Variants in TBC1D26 observed in about 807,000 individuals in gnomAD.
The protein encoded by TBC1D26 is TBC1 domain family, member 26.
In TBC1D26, 19 loss-of-function variants were observed where a neutral mutation model predicts 42.5. The observed-to-expected ratio is 0.45, with a 90% CI of 0.31 to 0.66. The LOEUF (loss-of-function observed/expected upper bound fraction) is 0.66. Ranked by LOEUF, TBC1D26 falls within the 30% of genes least tolerant of loss-of-function variation. The pLI is 0.06. For missense variants in TBC1D26, 228 were observed against 332.6 expected, an observed-to-expected ratio of 0.69 and a Z score of 2.45; for synonymous variants, 97 against 123.5, an observed-to-expected ratio of 0.79 and a Z score of 1.42.
At chr17:15,737,248 G>GGGCCAGGCCCAA (rs1567723555) in intron 4 of TBC1D26, among the ~76,000 whole-genome samples, 7 of 152,214 alleles carry the variant, frequency 4.6e-5, no homozygotes, top group Non-Finnish European at 7.3e-5. Flanking sequence ...GGCACCCCAC[G>GGGCCAGGCCCAA]GGCTTCAAGT....
intron 9 of TBC1D26, 147 bp from the exon 10 acceptor site, chr17:15,740,975 G>A (rs1967759757): frequency 2.0e-6 from 2 of 1,023,082 alleles, no homozygotes; most frequent in African/African-American, 1.6e-5. Flanking sequence ...AGTGCCAGGG[G>A]AGGGGTGCAG....
At chr17:15,738,699 T>C (rs1967690842) in intron 7 of TBC1D26, 22 bp from the exon 8 acceptor site, 1 of 1,613,824 alleles carries the variant, frequency 6.2e-7, no homozygotes. Context: ...GGCTGCTTCC[T>C]CCTCTTGGCC....
rs369685148 is a variant in TBC1D26 at position 15,741,201 on chromosome 17, C to T, written c.626C>T (p.Ala209Val). Reference sequence around the variant, plus strand: ...CTGCCAGAGGAAGATGCTTTCTGGGCGCTTACCCAGTTGCTCGCTGGTGAG... The same window carrying T: ...CTGCCAGAGGAAGATGCTTTCTGGGTGCTTACCCAGTTGCTCGCTGGTGAG... ...LCLPEEDAFWALTQLLAVFYS... is the reference protein window; with the variant it reads ...LCLPEEDAFWVLTQLLAVFYS... Residue 209 changes from alanine to valine, a missense_variant, in exon 10 of 15, where the codon GCG becomes GTG. Ala to Val is a moderately conservative substitution (Grantham distance 64). This residue lies in a region of TBC1D26 where 130 missense variants were observed against 168.5 expected (regional missense o/e 0.77). Coordinates refer to ENST00000437605, the MANE Select transcript of TBC1D26 (RefSeq NM_001388465.1). 64 of 1,613,622 alleles carry T rather than the reference C, an allele frequency of 4.0e-5. No homozygotes were observed. Among genetic ancestry groups the T allele is most frequent in the Middle Eastern group, 3.3e-4 (2 of 6,068 alleles).
In TBC1D26 at chr17:15,742,078, C is replaced by A. The variant is rs748552512; in HGVS notation, c.741+42C>A. ...CTCAGCTCCTAACCAGACGCCCTGG[C>A]CCCCATAGGCCAGGGGAGGCTCAAG... On this transcript the variant is annotated intron_variant, in intron 11 of 14. Transcript: ENST00000437605. The A allele has an allele frequency of 1.2e-5, 18 of 1,564,768 alleles. No individual in the cohort carries two copies. The East Asian group carries it at 1.4e-4, about 12-fold the overall frequency.
chr17:15,740,497 T>C (rs1967748645), intron 9 of TBC1D26: 1 of 1,250,790 alleles, frequency 8.0e-7, no homozygotes, highest in Admixed American at 3.7e-5. Context: ...TGAGTTTGCA[T>C]CCTGGGGGAG....
At chr17:15,737,795 GC>G (rs1967659586) in intron 5 of TBC1D26, 1 of 818,774 alleles carries the variant, frequency 1.2e-6, no homozygotes, top group East Asian at 2.7e-5. Context: ...GGCATTTATG[GC>G]CTGAGGATGG....
intron 1 of TBC1D26, chr17:15,734,651 T>A (rs1967562332): frequency 6.4e-6 from 1 of 155,680 alleles, no homozygotes; most frequent in Non-Finnish European, 1.4e-5. Flanking sequence ...TTCCCCCAGG[T>A]GTTCTCTAGG....
chr17:15,739,119 A>G (rs866670649), intron 8 of TBC1D26, among the ~76,000 whole-genome samples: 798 of 145,228 alleles, frequency 5.5e-3, no homozygotes, highest in African/African-American at 0.019. Context: ...ACCCACAACT[A>G]TCCAGGATAG....
At position 15,741,040 on chromosome 17, in the gene TBC1D26, C is replaced by A. The variant is rs192130208; in HGVS notation, c.547-82C>A. ...AGGCAGGTGTCCCCAAAGACCTGTG[C>A]CACCTCTGGTGACATAAGTCCTCCC... On this transcript the variant is annotated intron_variant, in intron 9 of 14. Coordinates refer to ENST00000437605, the MANE Select transcript of TBC1D26 (RefSeq NM_001388465.1). The A allele has an allele frequency of 1.8e-4, 287 of 1,567,786 alleles. 1 individual carries two copies. In the African/African-American group the frequency reaches 3.2e-3, roughly 18 times the overall value.
intron 10 of TBC1D26, 38 bp from the exon 11 acceptor site, chr17:15,741,904 G>A (rs370843078): frequency 1.6e-5 from 26 of 1,603,372 alleles, no homozygotes; most frequent in African/African-American, 1.2e-4. Flanking sequence ...CATTTTGGGC[G>A]TGGGGTCTGA....
chr17:15,738,935 A>G (rs1597755991), intron 8 of TBC1D26, 105 bp downstream of exon 8: 4 of 1,496,680 alleles, frequency 2.7e-6, no homozygotes, highest in Non-Finnish European at 3.7e-6. Context: ...GAGGTGACAG[A>G]GCCACCAAGG....
Position 15,738,336 on chromosome 17 carries a change from A to G in TBC1D26, c.336A>G (p.Ser112=). ...IPLAVRGRAW[S]LLLDIDRIKS... ...TGGCGGTACGGGGCCGGGCGTGGTC[A>G]CTTTTGCTAGATATTGACAGAATCA... The change falls in exon 7 of 15, where the codon TCA becomes TCG. Residue 112 remains serine (S), a synonymous_variant. Coordinates refer to ENST00000437605, the MANE Select transcript of TBC1D26 (RefSeq NM_001388465.1). 6.2e-7 allele frequency: 1 copy of G among 1,613,724 alleles called. No homozygotes were observed. The highest frequency in any genetic ancestry group is 1.1e-5 in the South Asian group (1 of 91,070).
chr17:15,737,578 G>A (rs1967651672), intron 5 of TBC1D26, 55 bp downstream of exon 5: 1 of 1,605,408 alleles, frequency 6.2e-7, no homozygotes, highest in South Asian at 1.1e-5. Context: ...GGAATCGGGT[G>A]GTCGGTAAGG....
chr17:15,741,982 A>G lies in TBC1D26; in HGVS notation c.687A>G (p.Leu229=). 1.2e-6 allele frequency: 2 copies of G among 1,614,052 alleles called. No individual in the cohort carries two copies. Among genetic ancestry groups the G allele is most frequent in the Non-Finnish European group, 1.7e-6 (2 of 1,179,976 alleles). The change falls in exon 11 of 15, where the codon CTA becomes CTG. Residue 229 remains leucine (L), a synonymous_variant. Coordinates refer to ENST00000437605, the MANE Select transcript of TBC1D26 (RefSeq NM_001388465.1). ...ATACTGCCTGGCTCGAGAGGCTCCT[A>G]TCGCACCAGGAGCAGGTGCTGCACA... The part of the protein sequence containing the change: ...SPNTAWLERL[L]SHQEQVLHKS...
At chr17:15,733,645 T>G (rs1967535002) in intron 1 of TBC1D26, 1 of 152,282 alleles carries the variant, frequency 6.6e-6, no homozygotes. Flanking sequence ...GAGACGCTGC[T>G]CGTGCACACA....
intron 10 of TBC1D26, 30 bp from the exon 11 acceptor site, chr17:15,741,912 T>C (rs1267018808): frequency 6.2e-7 from 1 of 1,610,356 alleles, no homozygotes; most frequent in Admixed American, 1.7e-5. Context: ...GCGTGGGGTC[T>C]GATGGGGTGA....
At position 15,738,352 on chromosome 17, in the gene TBC1D26, G is replaced by A. The variant is rs371592490; in HGVS notation, c.352G>A (p.Asp118Asn). 1.9e-6 allele frequency: 3 copies of A among 1,613,692 alleles called. No individual in the cohort carries two copies. The East Asian group carries it at 6.7e-5, about 36-fold the overall frequency. Reference sequence around the variant, plus strand: ...GGCGTGGTCACTTTTGCTAGATATTGACAGAATCAAGTCCCAGAACCCAGG... The same window carrying A: ...GGCGTGGTCACTTTTGCTAGATATTAACAGAATCAAGTCCCAGAACCCAGG... Reference protein sequence around the residue: ...GRAWSLLLDIDRIKSQNPGKY... With the variant: ...GRAWSLLLDINRIKSQNPGKY... The change falls in exon 7 of 15, where the codon GAC (aspartate) becomes AAC (asparagine). Residue 118 changes from aspartate to asparagine, a missense_variant. Around this residue, in one of 5 missense-constraint regions of TBC1D26, gnomAD observed 72 missense variants for 90.1 expected, o/e 0.80. Coordinates refer to ENST00000437605, the MANE Select transcript of TBC1D26 (RefSeq NM_001388465.1).
chr17:15,744,350 C>T lies in TBC1D26; in HGVS notation c.1165C>T (p.Pro389Ser), dbSNP rs1181931812. The change falls in exon 15 of 15, where the codon CCA (proline) becomes TCA (serine). Residue 389 changes from proline to serine, a missense_variant. Pro to Ser is a moderately conservative substitution (Grantham distance 74). Coordinates refer to ENST00000437605, the MANE Select transcript of TBC1D26 (RefSeq NM_001388465.1). ...GGCCTCAGGTGACTTTCATGCACAC[C>T]CAAGTCAGAAGGCTCTCCTGAATCC... ...SRASGDFHAHPSQKALLNPGC... is the reference protein window; with the variant it reads ...SRASGDFHAHSSQKALLNPGC... 5 of 152,220 alleles carry T rather than the reference C, an allele frequency of 3.3e-5. No individual in the cohort carries two copies. Among genetic ancestry groups the T allele is most frequent in the African/African-American group, 1.2e-4 (5 of 41,438 alleles). 9.4% of individuals were successfully genotyped at this position (152,220 alleles called of 1,614,324 possible).
chr17:15,737,771 T>A (rs1967658388), intron 5 of TBC1D26: 4 of 788,390 alleles, frequency 5.1e-6, no homozygotes, highest in Non-Finnish European at 6.0e-6. Flanking sequence ...AGGCTGGACC[T>A]GACCAAAACT....
Sources: allele counts gnomAD v4.1 joint callset (sites outside exome capture counted in the v4.1 genomes callset), GRCh38; gene constraint gnomAD v4.1.1; regional missense constraint gnomAD v4.1.1; transcripts MANE v1.5; gene names NCBI Gene and HGNC (gene_info 2026-07-23, HGNC 2026-07-21).